TMEM217B: variants seen among roughly 807,000 people sequenced by gnomAD.
TMEM217B encodes putative transmembrane protein 217B.
the TMEM217B span, among the ~76,000 whole-genome samples, chr6:37,221,670 A>T: frequency 6.6e-6 from 1 of 152,240 alleles, no homozygotes; most frequent in Non-Finnish European, 1.5e-5. Context: ...GTGTTACAGG[A>T]TCTCTGGGGT....
the TMEM217B span, chr6:37,219,044 G>C: frequency 4.4e-6 from 7 of 1,606,572 alleles, no homozygotes; most frequent in Non-Finnish European, 5.1e-6. Flanking sequence ...GAGACCTCCT[G>C]TGAAGACAAA....
At chr6:37,221,092 C>T in the TMEM217B span, among the ~76,000 whole-genome samples, 2 of 152,072 alleles carry the variant, frequency 1.3e-5, no homozygotes, top group African/African-American at 2.4e-5. Flanking sequence ...CATTAAGCAA[C>T]GAATTCCCAT....
At chr6:37,244,693 C>G in the TMEM217B span, among the ~76,000 whole-genome samples, 1 of 152,182 alleles carries the variant, frequency 6.6e-6, no homozygotes, top group East Asian at 1.9e-4. Context: ...ATCACATAAA[C>G]AACCATAAAA....
chr6:37,254,925 A>T, the TMEM217B span, among the ~76,000 whole-genome samples: 6 of 152,190 alleles, frequency 3.9e-5, no homozygotes, highest in Admixed American at 6.5e-5. Flanking sequence ...TTAGATTCTC[A>T]TAAGGAGTGC....
chr6:37,230,076 C>A, the TMEM217B span, among the ~76,000 whole-genome samples: 1 of 152,234 alleles, frequency 6.6e-6, no homozygotes, highest in Non-Finnish European at 1.5e-5. Context: ...AGGGCCACCC[C>A]TGGCTTCCAG....
the TMEM217B span, among the ~76,000 whole-genome samples, chr6:37,249,725 T>C: frequency 2.0e-5 from 3 of 152,196 alleles, no homozygotes; most frequent in Non-Finnish European, 2.9e-5. Context: ...TTGAACCACC[T>C]TTTCCCTCCA....
chr6:37,244,808 C>T, the TMEM217B span, among the ~76,000 whole-genome samples: 6 of 152,182 alleles, frequency 3.9e-5, no homozygotes, highest in East Asian at 1.9e-4. Context: ...CAGCTGGACT[C>T]GCTCAAGTGT....
At chr6:37,241,761 T>C in the TMEM217B span, among the ~76,000 whole-genome samples, 2 of 152,180 alleles carry the variant, frequency 1.3e-5, no homozygotes, top group Non-Finnish European at 2.9e-5. Context: ...TAAGCTTGAA[T>C]TCTTAGAGAC....
the TMEM217B span, among the ~76,000 whole-genome samples, chr6:37,252,466 T>C: frequency 6.6e-6 from 1 of 151,724 alleles, no homozygotes; most frequent in African/African-American, 2.4e-5. Flanking sequence ...CATACATACA[T>C]GTATACATAC....
At chr6:37,225,600 A>G in the TMEM217B span, among the ~76,000 whole-genome samples, 1 of 152,240 alleles carries the variant, frequency 6.6e-6, no homozygotes, top group Non-Finnish European at 1.5e-5. Context: ...CAACTAAAAC[A>G]GATAGCAAAC....
chr6:37,256,423 A>G, the TMEM217B span, among the ~76,000 whole-genome samples: 1 of 152,202 alleles, frequency 6.6e-6, no homozygotes, highest in African/African-American at 2.4e-5. Context: ...TGGTCACTGC[A>G]TCCTAAGAAA....
the TMEM217B span, chr6:37,213,138 TG>T: frequency 1.6e-6 from 1 of 641,672 alleles, no homozygotes; most frequent in Admixed American, 2.9e-5. Context: ...TTAAGGGACA[TG>T]GGGTCTGGCC....
chr6:37,250,171 T>C, the TMEM217B span, among the ~76,000 whole-genome samples: 9 of 152,346 alleles, frequency 5.9e-5, no homozygotes, highest in African/African-American at 2.2e-4. Context: ...TACAATATTA[T>C]GTTACTTAAG....
At chr6:37,249,235 T>C in the TMEM217B span, among the ~76,000 whole-genome samples, 1 of 152,242 alleles carries the variant, frequency 6.6e-6, no homozygotes, top group Non-Finnish European at 1.5e-5. Context: ...TATCCATTTG[T>C]AGATTTTGAA....
chr6:37,231,163 G>A, the TMEM217B span, among the ~76,000 whole-genome samples: 3 of 150,922 alleles, frequency 2.0e-5, no homozygotes, highest in Non-Finnish European at 2.9e-5. Flanking sequence ...GGGTTCAAGC[G>A]ATTCTCCTGC....
the TMEM217B span, among the ~76,000 whole-genome samples, chr6:37,233,513 G>A: frequency 6.6e-6 from 1 of 152,240 alleles, no homozygotes; most frequent in African/African-American, 2.4e-5. Flanking sequence ...GCAAGAGGCA[G>A]CTCTCTGAAT....
At chr6:37,256,044 G>A in the TMEM217B span, among the ~76,000 whole-genome samples, 2 of 152,184 alleles carry the variant, frequency 1.3e-5, no homozygotes, top group Non-Finnish European at 2.9e-5. Flanking sequence ...TTTGAGATAT[G>A]TCTAGATACA....
chr6:37,246,566 C>T, the TMEM217B span, among the ~76,000 whole-genome samples: 2 of 152,072 alleles, frequency 1.3e-5, no homozygotes, highest in African/African-American at 4.8e-5. Context: ...GGCTTCTGAC[C>T]CTGCTGTGCC....
the TMEM217B span, among the ~76,000 whole-genome samples, chr6:37,231,906 G>A: frequency 7.3e-5 from 11 of 150,550 alleles, no homozygotes; most frequent in Non-Finnish European, 1.3e-4. Context: ...CTGACTGTGT[G>A]GCTAAAAAAA....
Sources: allele counts gnomAD v4.1 joint callset (sites outside exome capture counted in the v4.1 genomes callset), GRCh38; gene constraint gnomAD v4.1.1; transcripts MANE v1.5; gene names NCBI Gene and HGNC (gene_info 2026-07-23, HGNC 2026-07-21).